LCLAT1: variants seen among roughly 807,000 people sequenced by gnomAD.
The protein encoded by LCLAT1 is lysocardiolipin acyltransferase 1.
A neutral mutation model predicts 30.7 loss-of-function variants in LCLAT1; 11 were observed. The ratio of observed to expected loss-of-function variants is 0.36; its 90% CI spans 0.23 to 0.59. The LOEUF (loss-of-function observed/expected upper bound fraction) is 0.59. LCLAT1 is among the 20% of genes least tolerant of loss of function. The pLI, the probability that LCLAT1 is intolerant of heterozygous loss-of-function variation, is 0.77. For missense variants in LCLAT1, 402 were observed against 458.6 expected (o/e 0.88, Z 1.13); for synonymous variants, 155 against 151.3 (o/e 1.02, Z -0.18).
intron 1 of LCLAT1, among the ~76,000 whole-genome samples, chr2:30,491,784 T>C (rs969564479): frequency 6.6e-5 from 10 of 152,228 alleles, no homozygotes; most frequent in Non-Finnish European, 1.5e-4. Flanking sequence ...TCCACAACTT[T>C]TGTAAGTTAT....
intron 1 of LCLAT1, among the ~76,000 whole-genome samples, chr2:30,468,132 A>G (rs1303242312): frequency 5.3e-5 from 8 of 152,138 alleles, no homozygotes; most frequent in East Asian, 1.9e-4. Context: ...TGTAAGGAAG[A>G]GATCCAGTTT....
chr2:30,507,778 C>G (rs1260359483), intron 1 of LCLAT1, among the ~76,000 whole-genome samples: 1 of 152,154 alleles, frequency 6.6e-6, no homozygotes, highest in Non-Finnish European at 1.5e-5. Flanking sequence ...CATACACATG[C>G]ATGTGTCTTT....
At chr2:30,460,598 G>A (rs2148271798) in intron 1 of LCLAT1, among the ~76,000 whole-genome samples, 1 of 152,262 alleles carries the variant, frequency 6.6e-6, no homozygotes, top group East Asian at 1.9e-4. Context: ...TCCTGACAAT[G>A]AGCTTCAAAA....
At chr2:30,604,955 G>A (rs1667365242) in intron 5 of LCLAT1, among the ~76,000 whole-genome samples, 1 of 152,142 alleles carries the variant, frequency 6.6e-6, no homozygotes. Context: ...TGTCCTTGCC[G>A]CCCCCACACA....
chr2:30,450,769 C>T (rs1258709452), intron 1 of LCLAT1, among the ~76,000 whole-genome samples: 1 of 152,032 alleles, frequency 6.6e-6, no homozygotes, highest in African/African-American at 2.4e-5. Flanking sequence ...AAACCATAAG[C>T]GCAAATAAAG....
intron 1 of LCLAT1, among the ~76,000 whole-genome samples, chr2:30,490,320 A>G (rs1301303914): frequency 1.3e-5 from 2 of 150,782 alleles, no homozygotes; most frequent in Admixed American, 6.7e-5. Context: ...GTCCTGCCTC[A>G]GCCTCCTGAG....
chr2:30,596,960 C>T (rs1476003500), intron 5 of LCLAT1, among the ~76,000 whole-genome samples: 1 of 125,968 alleles, frequency 7.9e-6, no homozygotes, highest in Non-Finnish European at 1.7e-5. Flanking sequence ...TGTAGTTGCA[C>T]GGACTTATTT....
At chr2:30,515,089 A>C (rs1685119083) in intron 1 of LCLAT1, among the ~76,000 whole-genome samples, 1 of 151,926 alleles carries the variant, frequency 6.6e-6, no homozygotes. Context: ...GAGTTTAAAA[A>C]GTTTTCTGAT....
In LCLAT1 at chr2:30,640,170, C is replaced by A; in HGVS notation, c.682C>A (p.Pro228Thr). 6.2e-7 allele frequency: 1 copy of A among 1,614,032 alleles called. No homozygotes were observed. The highest frequency in any genetic ancestry group is 1.1e-5 in the South Asian group (1 of 91,052). The stretch of plus-strand genomic sequence containing the variant: ...CACTGTGGCGTATCCTCACAACATT[C>A]CTCAATCAGAGAAGCACCTCCTCCA... Reference protein sequence around the residue: ...DITVAYPHNIPQSEKHLLQGD... With the variant: ...DITVAYPHNITQSEKHLLQGD... Residue 228 changes from proline (P) to threonine (T), a missense_variant, in exon 6 of 6, where the codon CCT becomes ACT. Coordinates refer to ENST00000379509, the MANE Select transcript of LCLAT1 (RefSeq NM_001002257.3).
intron 5 of LCLAT1, chr2:30,607,923 T>A (rs904104061): frequency 1.5e-4 from 25 of 164,052 alleles, no homozygotes; most frequent in South Asian, 2.9e-4. Context: ...CAGTTTTTTT[T>A]AAAAAAGTTT....
chr2:30,472,267 A>G (rs1253507424), intron 1 of LCLAT1, among the ~76,000 whole-genome samples: 4 of 152,208 alleles, frequency 2.6e-5, no homozygotes, highest in Non-Finnish European at 5.9e-5. Flanking sequence ...CACTGAATAG[A>G]AGATTCCACT....
intron 4 of LCLAT1, among the ~76,000 whole-genome samples, chr2:30,566,227 G>T (rs1253534180): frequency 2.0e-5 from 3 of 152,242 alleles, no homozygotes; most frequent in African/African-American, 7.2e-5. Flanking sequence ...GTTTATACTT[G>T]TACTCACATT....
intron 5 of LCLAT1, chr2:30,607,264 C>G (rs947143678): frequency 2.0e-5 from 3 of 152,086 alleles, no homozygotes; most frequent in African/African-American, 7.2e-5. Context: ...TCTCGATCTC[C>G]TGACCTCATG....
Position 30,568,045 on chromosome 2 carries a change from C to T in LCLAT1, c.512-15C>T. On this transcript the variant is annotated splice_polypyrimidine_tract_variant and intron_variant, in intron 4 of 5. Transcript: ENST00000379509. ...CTTTAGTTTATGATTTATAATGGTC[C>T]ATTGTTTTGTTTAGAAAACAGCAAG... is the stretch of plus-strand genomic sequence containing the variant. 7.8e-7 allele frequency: 1 copy of T among 1,282,454 alleles called. No homozygotes were observed. Among genetic ancestry groups the T allele is most frequent in the Non-Finnish European group, 1.1e-6 (1 of 893,178 alleles). The allele number at this position is 1,282,454 out of a possible 1,614,324, so 79.4% of individuals were successfully genotyped here.
chr2:30,478,503 G>C (rs941715771), intron 1 of LCLAT1, among the ~76,000 whole-genome samples: 1 of 152,102 alleles, frequency 6.6e-6, no homozygotes, highest in African/African-American at 2.4e-5. Flanking sequence ...CTATAGAATA[G>C]TTATATGTGT....
Position 30,640,393 on chromosome 2 carries a change from T to C in LCLAT1, c.905T>C (p.Leu302Pro). 8 of 1,614,210 alleles carry C rather than the reference T, an allele frequency of 5.0e-6. No individual in the cohort carries two copies. Among genetic ancestry groups the C allele is most frequent in the Non-Finnish European group, 6.8e-6 (8 of 1,180,040 alleles). ...GTCATTCCACCTTGCAAGTCTGAACTCAGGGTCCTTGTGGTCAAATTGCTC... is the reference window on the plus strand; with the variant it reads ...GTCATTCCACCTTGCAAGTCTGAACCCAGGGTCCTTGTGGTCAAATTGCTC... ...QSVIPPCKSELRVLVVKLLSI... is the reference protein window; with the variant it reads ...QSVIPPCKSEPRVLVVKLLSI... Residue 302 changes from leucine (L) to proline (P), a missense_variant, in exon 6 of 6, where the codon CTC (leucine) becomes CCC (proline). By Grantham distance (98) the Leu-to-Pro change is moderately conservative. Transcript: ENST00000379509.
At chr2:30,600,696 C>G (rs1331459308) in intron 5 of LCLAT1, among the ~76,000 whole-genome samples, 1 of 152,106 alleles carries the variant, frequency 6.6e-6, no homozygotes, top group Non-Finnish European at 1.5e-5. Context: ...GCCTCTCTTT[C>G]TGGCTGCCCT....
At chr2:30,520,697 G>A (rs948950342) in intron 1 of LCLAT1, among the ~76,000 whole-genome samples, 16 of 152,094 alleles carry the variant, frequency 1.1e-4, no homozygotes, top group African/African-American at 3.1e-4. Flanking sequence ...CATTTTAGGT[G>A]TTACTATAGT....
intron 1 of LCLAT1, among the ~76,000 whole-genome samples, chr2:30,490,907 C>A (rs1338887857): frequency 3.3e-5 from 5 of 152,064 alleles, no homozygotes; most frequent in Admixed American, 2.0e-4. Context: ...AAAATACACA[C>A]CAGATTTCAA....
Sources: gnomAD v4.1 joint callset for allele counts (sites outside exome capture counted in the v4.1 genomes callset) on GRCh38, gnomAD v4.1.1 for gene constraint, MANE v1.5 for transcripts, NCBI Gene and HGNC (gene_info 2026-07-23, HGNC 2026-07-21) for gene names.